IFT172: variants seen among roughly 807,000 people sequenced by gnomAD.
IFT172 encodes intraflagellar transport 172.
IFT172 carries 164 observed loss-of-function variants against 248.9 expected under a neutral mutation model. The ratio of observed to expected loss-of-function variants is 0.66; its 90% CI spans 0.58 to 0.75. The LOEUF (loss-of-function observed/expected upper bound fraction) is 0.75, where lower values mean the gene tolerates loss of function less well. Among genes scored for constraint, IFT172 ranks in the 30% least tolerant of loss-of-function variants. IFT172 has a pLI of 0.00. For missense variants in IFT172, 1,950 were observed against 2,192.4 expected (o/e 0.89, Z 2.21); for synonymous variants, 729 against 791.6 (o/e 0.92, Z 1.33).
chr2:27,459,176 T>C, intron 25 of IFT172: 1 of 655,028 alleles, frequency 1.5e-6, no homozygotes, highest in Admixed American at 3.1e-5. Flanking sequence ...TCACTTTATA[T>C]ATCTGGGGTG....
In IFT172 at chr2:27,481,057, T is replaced by A; in HGVS notation, c.774A>T (p.Gly258=). Residue 258 remains glycine (G), a synonymous_variant, in exon 8 of 48, where the codon GGA becomes GGT. Coordinates refer to ENST00000260570, the MANE Select transcript of IFT172 (RefSeq NM_015662.3). ...SSPGGQSVVL[G]SYDRLRVFNW... ...GAAAGGGGACTTACCTGTCATAACTTCCTAGCACAACAGACTGGCCCCCAG... is the reference window on the plus strand; with the variant it reads ...GAAAGGGGACTTACCTGTCATAACTACCTAGCACAACAGACTGGCCCCCAG... 1.2e-6 allele frequency: 2 copies of A among 1,613,704 alleles called. No individual in the cohort carries two copies. The highest frequency in any genetic ancestry group is 1.7e-6 in the Non-Finnish European group (2 of 1,179,750).
rs1253404730 is a variant in IFT172, at chr2:27,456,584, C to T, written c.3298G>A (p.Gly1100Arg). 1.2e-6 allele frequency: 2 copies of T among 1,614,200 alleles called. No individual in the cohort carries two copies. The highest frequency in any genetic ancestry group is 1.7e-6 in the Non-Finnish European group (2 of 1,180,026). ...VAYLWAKSLG[G>R]EAAVRLLNKL... is the part of the protein sequence containing the mutation. ...TTAAGCAGTCTAACTGCAGCCTCTC[C>T]TCCCAGGCTCTTTGCCCACAGATAG... Residue 1100 changes from glycine (G) to arginine (R), a missense_variant, in exon 30 of 48, where the codon GGA (glycine) becomes AGA (arginine). Gly to Arg is a moderately radical substitution (Grantham distance 125, BLOSUM62 -2). Transcript: ENST00000260570.
rs1364947730 is a variant in IFT172 at position 27,453,377 on chromosome 2, T to C, written c.3951+7A>G. The C allele has an allele frequency of 1.2e-6, 2 of 1,614,038 alleles. No homozygotes were observed. Among genetic ancestry groups the C allele is most frequent in the East Asian group, 2.2e-5 (1 of 44,900 alleles). Reference sequence around the variant, plus strand: ...AAGGAGGGCCAGAAAGGGCCTGCTGTCCTCACCTTCATCCAGCACTTCTCC... The same window carrying C: ...AAGGAGGGCCAGAAAGGGCCTGCTGCCCTCACCTTCATCCAGCACTTCTCC... On this transcript the variant is annotated splice_region_variant and intron_variant, in intron 35 of 47. Coordinates refer to ENST00000260570, the MANE Select transcript of IFT172 (RefSeq NM_015662.3).
intron 18 of IFT172, among the ~76,000 whole-genome samples, chr2:27,463,641 T>C (rs182492939): frequency 3.3e-5 from 5 of 151,908 alleles, no homozygotes; most frequent in African/African-American, 1.2e-4. Context: ...AAAGATTGGA[T>C]ACCCCTGTTA....
At chr2:27,477,917 C>A in intron 11 of IFT172, 78 bp downstream of exon 11, 2 of 1,558,668 alleles carry the variant, frequency 1.3e-6, no homozygotes, top group East Asian at 2.2e-5. Context: ...GAGAGCTTAC[C>A]CCTAGGGATT....
intron 16 of IFT172, 132 bp downstream of exon 16, chr2:27,470,796 G>T: frequency 1.2e-6 from 1 of 865,474 alleles, no homozygotes; most frequent in South Asian, 2.4e-5. Context: ...ATAAGTCTAA[G>T]CTTTATTTGC....
At chr2:27,485,541 G>T (rs1668698567) in intron 1 of IFT172, 38 bp from the exon 2 acceptor site, 1 of 1,608,106 alleles carries the variant, frequency 6.2e-7, no homozygotes, top group Non-Finnish European at 8.5e-7. Flanking sequence ...CCCATGTGCT[G>T]GTCTAGAATG....
At chr2:27,462,650 C>T (rs771242815) in intron 20 of IFT172, 51 bp downstream of exon 20, 1 of 1,523,292 alleles carries the variant, frequency 6.6e-7, no homozygotes, top group African/African-American at 1.4e-5. Flanking sequence ...CCCCTTTTCT[C>T]TCTTTTTCCC....
At position 27,477,709 on chromosome 2, in the gene IFT172, T is replaced by A. The variant is rs1572815011; in HGVS notation, c.1168-97A>T. On this transcript the variant is annotated intron_variant, in intron 11 of 47. Coordinates refer to ENST00000260570, the MANE Select transcript of IFT172 (RefSeq NM_015662.3). Reference sequence around the variant, plus strand: ...CAGGTTGGGAAGTGGAAAGATATATTTATGTAGGCTTTGGCACTACACAAA... The same window carrying A: ...CAGGTTGGGAAGTGGAAAGATATATATATGTAGGCTTTGGCACTACACAAA... 5.3e-6 allele frequency: 5 copies of A among 936,804 alleles called. No homozygotes were observed. In the East Asian group the frequency reaches 1.2e-4, roughly 23 times the overall value. 58.0% of individuals were successfully genotyped at this position (936,804 alleles called of 1,614,324 possible). A position where few individuals can be genotyped will look rare whatever the true frequency, so the allele number is the denominator to read the frequency against.
intron 16 of IFT172, among the ~76,000 whole-genome samples, chr2:27,468,282 G>C (rs999208529): frequency 1.3e-5 from 2 of 151,708 alleles, no homozygotes; most frequent in African/African-American, 4.8e-5. Flanking sequence ...GTTCAGGCTG[G>C]AGTGCAGTGG....
Position 27,457,919 on chromosome 2 carries a change from C to T in IFT172, c.3033G>A (p.Lys1011=), listed in dbSNP as rs770256937. 5.0e-6 allele frequency: 8 copies of T among 1,614,164 alleles called. No individual in the cohort carries two copies. The South Asian group carries it at 6.6e-5, about 13-fold the overall frequency. Residue 1011 remains lysine (K), a synonymous_variant, in exon 28 of 48, where the codon AAG becomes AAA. Transcript: ENST00000260570. ...DLAITMYKKH[K]LYDDMIRLVG... is the part of the protein sequence containing the mutation. ...CCAGGCGGATCATGTCATCATACAA[C>T]TTGTGCTTTTTGTACATGGTGATGG...
chr2:27,459,493 AG>A lies in IFT172; in HGVS notation c.2671del (p.Leu891TrpfsTer13), dbSNP rs778388652. The A allele has an allele frequency of 1.2e-6, 2 of 1,614,168 alleles. No homozygotes were observed. The highest frequency in any genetic ancestry group is 1.7e-6 in the Non-Finnish European group (2 of 1,180,006). ...RCSIKAIEAA[L>X]GARQWKKAIY... ...TGCCTTCTTCCACTGGCGGGCACCC[AG>A]GGCGGCCTCAATTGCCTTAATGGAG... On this transcript the variant is annotated frameshift_variant, in exon 25 of 48. Transcript: ENST00000260570. LOFTEE classifies it high-confidence loss of function.
intron 29 of IFT172, among the ~76,000 whole-genome samples, chr2:27,457,046 AAAAAT>A (rs774960607): frequency 6.6e-6 from 1 of 152,114 alleles, no homozygotes; most frequent in Non-Finnish European, 1.5e-5. Flanking sequence ...CTCCATCTCA[AAAAAT>A]AAAATAAAAT....
intron 12 of IFT172, 63 bp downstream of exon 12, chr2:27,477,496 T>G: frequency 7.5e-7 from 1 of 1,338,074 alleles, no homozygotes; most frequent in Non-Finnish European, 1.1e-6. Flanking sequence ...CTTGCCATCT[T>G]TATGACACAG....
rs573058783 is a variant in IFT172 at position 27,446,154 on chromosome 2, A to T, written c.4755+106T>A. The stretch of plus-strand genomic sequence containing the variant: ...ACATAGGAGGACTACATCCTCCGTA[A>T]CATCAGCCCTACACTCAGCTTTCCT... On this transcript the variant is annotated intron_variant, in intron 43 of 47. Coordinates refer to ENST00000260570, the MANE Select transcript of IFT172 (RefSeq NM_015662.3). The T allele has an allele frequency of 2.3e-4, 305 of 1,327,996 alleles. 2 individuals carry two copies. The South Asian group carries it at 3.3e-3, about 15-fold the overall frequency. 82.3% of individuals were successfully genotyped at this position (1,327,996 alleles called of 1,614,324 possible). A position where few individuals can be genotyped will look rare whatever the true frequency, so the allele number is the denominator to read the frequency against.
At chr2:27,450,432 A>G (rs1336928254) in intron 35 of IFT172, among the ~76,000 whole-genome samples, 1 of 151,990 alleles carries the variant, frequency 6.6e-6, no homozygotes, top group African/African-American at 2.4e-5. Context: ...CAGAGAAAGG[A>G]CTCCTAAAAT....
Position 27,447,794 on chromosome 2 carries a change from G to A in IFT172, c.4539+18C>T, listed in dbSNP as rs771718287. 1.6e-5 allele frequency: 26 copies of A among 1,595,598 alleles called. No homozygotes were observed. In the East Asian group the frequency reaches 2.9e-4, roughly 18 times the overall value. On this transcript the variant is annotated intron_variant, in intron 41 of 47. Coordinates refer to ENST00000260570, the MANE Select transcript of IFT172 (RefSeq NM_015662.3). The stretch of plus-strand genomic sequence containing the variant: ...GATGAGGACAAGGACAGACGGAGCA[G>A]CCCTTTCGCTTCCTCACCAGGTTGA...
At chr2:27,488,798 T>C (rs1244051527) in intron 1 of IFT172, among the ~76,000 whole-genome samples, 2 of 152,164 alleles carry the variant, frequency 1.3e-5, no homozygotes, top group Non-Finnish European at 2.9e-5. Context: ...AGATATCAGG[T>C]CATTTGTTTA....
At chr2:27,468,771 C>T (rs1667318535) in intron 16 of IFT172, among the ~76,000 whole-genome samples, 1 of 151,108 alleles carries the variant, frequency 6.6e-6, no homozygotes, top group Non-Finnish European at 1.5e-5. Flanking sequence ...ATGGCATGAA[C>T]CCAGGAGGCA....
Sources: gnomAD v4.1 joint callset for allele counts (sites outside exome capture counted in the v4.1 genomes callset) on GRCh38, gnomAD v4.1.1 for gene constraint, MANE v1.5 for transcripts, NCBI Gene and HGNC (gene_info 2026-07-23, HGNC 2026-07-21) for gene names.